The following ADCY1 variants were observed in gnomAD, a reference collection of about 807,000 sequenced individuals.
ADCY1 encodes adenylate cyclase type 1.
Under a neutral mutation model 105.4 loss-of-function variants are expected in ADCY1, and 28 were observed. The observed-to-expected ratio is 0.27, with a 90% confidence interval of 0.20 to 0.36. ADCY1 has a LOEUF of 0.36. Among genes scored for constraint, ADCY1 ranks in the 10% least tolerant of loss-of-function variants. The pLI, the probability that ADCY1 is intolerant of heterozygous loss-of-function variation, is 1.00. For synonymous variants in ADCY1, 655 were observed against 623.8 expected, an observed-to-expected ratio of 1.05 and a Z score of -0.75; for missense variants, 977 against 1,434.2, an observed-to-expected ratio of 0.68 and a Z score of 5.15.
chr7:45,602,712 T>C (rs1793272745), intron 2 of ADCY1, among the ~76,000 whole-genome samples: 1 of 152,256 alleles, frequency 6.6e-6, no homozygotes, highest in Admixed American at 6.5e-5. Context: ...ATTGAGTTTA[T>C]GTACCATAAA....
intron 5 of ADCY1, among the ~76,000 whole-genome samples, chr7:45,653,194 C>T (rs1197520386): frequency 2.6e-5 from 4 of 152,134 alleles, no homozygotes; most frequent in African/African-American, 9.7e-5. Context: ...TGGTCTTGCT[C>T]CTGAAGAGCT....
chr7:45,663,010 A>G (rs1002980936), intron 8 of ADCY1, among the ~76,000 whole-genome samples: 4 of 152,228 alleles, frequency 2.6e-5, no homozygotes, highest in African/African-American at 9.6e-5. Flanking sequence ...TGCAGGAGCC[A>G]TCAAAGGGTG....
intron 1 of ADCY1, among the ~76,000 whole-genome samples, chr7:45,580,350 A>G (rs1792496691): frequency 6.6e-6 from 1 of 152,138 alleles, no homozygotes; most frequent in Non-Finnish European, 1.5e-5. Context: ...CATGGACCGG[A>G]GAAGAGCTGG....
intron 14 of ADCY1, among the ~76,000 whole-genome samples, chr7:45,695,223 A>G (rs772727998): frequency 6.6e-6 from 1 of 152,050 alleles, no homozygotes; most frequent in Non-Finnish European, 1.5e-5. Context: ...TGTTTTATAT[A>G]TTTTGTGTGG....
chr7:45,596,613 G>A (rs550840778), intron 2 of ADCY1, among the ~76,000 whole-genome samples: 3 of 152,222 alleles, frequency 2.0e-5, no homozygotes, highest in African/African-American at 4.8e-5. Flanking sequence ...GGTAGGAGGC[G>A]GTGGAATGCC....
At position 45,686,738 on chromosome 7, in the gene ADCY1, G is replaced by A. The variant is rs1043983540; in HGVS notation, c.2454+65G>A. 1.3e-6 allele frequency: 2 copies of A among 1,537,060 alleles called. No individual in the cohort carries two copies. The highest frequency in any genetic ancestry group is 2.3e-5 in the East Asian group (1 of 43,796). On this transcript the variant is annotated intron_variant, in intron 14 of 19. Transcript: ENST00000297323. The surrounding 1 kb of genome is among the most constrained non-coding windows in gnomAD (Gnocchi z 4.3). Reference sequence around the variant, plus strand: ...TAGAGGAGGAAGAAGTCTTCAGCAAGCATCTGACGGGGGCTGCCACAGACA... The same window carrying A: ...TAGAGGAGGAAGAAGTCTTCAGCAAACATCTGACGGGGGCTGCCACAGACA...
Position 45,713,740 on chromosome 7 carries a change from T to C in ADCY1, c.3105T>C (p.Phe1035=). The change falls in exon 20 of 20, where the codon TTT becomes TTC. Residue 1035 remains phenylalanine (F), a synonymous_variant. Coordinates refer to ENST00000297323, the MANE Select transcript of ADCY1 (RefSeq NM_021116.4). ...TGCTGAGAAGGTGCCCCTACCACTT[T>C]GTGTGCCGAGGCAAAGTCAGTGTCA... The part of the protein sequence containing the change: ...HRLLRRCPYH[F]VCRGKVSVKG... The C allele has an allele frequency of 2.6e-6, 2 of 780,798 alleles. No homozygotes were observed. Among genetic ancestry groups the C allele is most frequent in the Non-Finnish European group, 2.4e-6 (1 of 418,144 alleles). The allele number at this position is 780,798 out of a possible 1,614,324, so 48.4% of individuals were successfully genotyped here.
intron 4 of ADCY1, among the ~76,000 whole-genome samples, chr7:45,626,891 G>A (rs192754510): frequency 6.6e-6 from 1 of 152,286 alleles, no homozygotes; most frequent in African/African-American, 2.4e-5. Flanking sequence ...CAGAGGGCTG[G>A]GCAGTGTGTG....
intron 3 of ADCY1, among the ~76,000 whole-genome samples, chr7:45,611,308 T>C (rs1793586175): frequency 6.6e-6 from 1 of 151,934 alleles, no homozygotes; most frequent in African/African-American, 2.4e-5. Context: ...TGTAGGGGGC[T>C]CTTGGCTTCT....
At chr7:45,659,667 G>A (rs571127758) in intron 6 of ADCY1, among the ~76,000 whole-genome samples, 2 of 152,294 alleles carry the variant, frequency 1.3e-5, no homozygotes, top group Non-Finnish European at 2.9e-5. Context: ...ACCATGGCTG[G>A]GGAGGGACTC....
intron 8 of ADCY1, 59 bp from the exon 9 acceptor site, chr7:45,677,810 G>A: frequency 3.9e-6 from 6 of 1,557,054 alleles, no homozygotes; most frequent in Non-Finnish European, 5.2e-6. Context: ...GAGTACAGGT[G>A]CTTTTCTTCA....
intron 14 of ADCY1, among the ~76,000 whole-genome samples, chr7:45,694,969 T>C (rs1464573119): frequency 6.6e-6 from 1 of 152,242 alleles, no homozygotes; most frequent in East Asian, 1.9e-4. Context: ...AACTAGAGAC[T>C]TGAAGAGACC....
Position 45,592,829 on chromosome 7 carries a change from G to T in ADCY1, c.710G>T (p.Arg237Leu). The T allele has an allele frequency of 1.2e-6, 2 of 1,614,220 alleles. No individual in the cohort carries two copies. Among genetic ancestry groups the T allele is most frequent in the African/African-American group, 1.3e-5 (1 of 75,054 alleles). Residue 237 changes from arginine (R) to leucine (L), a missense_variant, in exon 2 of 20, where the codon CGT becomes CTT. Arg to Leu is a moderately radical substitution (Grantham distance 102). Coordinates refer to ENST00000297323, the MANE Select transcript of ADCY1 (RefSeq NM_021116.4). ...GTCTTTGTGCGGATTCTGACTGAGC[G>T]TTCACAGAGGAAGGCGTTCCTGCAG... ...YGVFVRILTE[R>L]SQRKAFLQAR...
chr7:45,645,116 C>T (rs957732171), intron 4 of ADCY1, among the ~76,000 whole-genome samples: 4 of 152,100 alleles, frequency 2.6e-5, no homozygotes, highest in African/African-American at 7.2e-5. Context: ...TTAGAATACA[C>T]AAGCCCTCAT....
In ADCY1 at chr7:45,608,551, C is replaced by T. The variant is rs115666730; in HGVS notation, c.790-1828C>T. On this transcript the variant is annotated intron_variant, in intron 2 of 19. Coordinates refer to ENST00000297323, the MANE Select transcript of ADCY1 (RefSeq NM_021116.4). ...CTGGTTCTTGCAGCACCCTGTGCCA[C>T]GGCTGAGTTGTCCACGTGAGCTCCA... is the stretch of plus-strand genomic sequence containing the variant. Among the ~76,000 whole-genome samples, 410 of 152,342 alleles carry T rather than the reference C, an allele frequency of 2.7e-3. 1 individual carries two copies. Among genetic ancestry groups the T allele is most frequent in the Middle Eastern group, 0.017 (5 of 294 alleles).
intron 8 of ADCY1, among the ~76,000 whole-genome samples, chr7:45,668,751 G>A (rs144451719): frequency 0.011 from 1,743 of 152,232 alleles, 16 homozygotes; most frequent in Middle Eastern, 0.024. Context: ...TTGTGAATCC[G>A]TCTAGTCCTG....
chr7:45,670,352 G>A (rs891920929), intron 8 of ADCY1, among the ~76,000 whole-genome samples: 12 of 152,210 alleles, frequency 7.9e-5, no homozygotes, highest in Non-Finnish European at 1.5e-4. Context: ...TGACTGTGGA[G>A]GACAGTCAGT....
At chr7:45,622,412 TC>T (rs977867000) in intron 3 of ADCY1, among the ~76,000 whole-genome samples, 21 of 152,160 alleles carry the variant, frequency 1.4e-4, no homozygotes, top group African/African-American at 5.1e-4. Context: ...CAGCATTTAC[TC>T]CCCCAGTGGC....
chr7:45,593,182 A>C (rs1792976196), intron 2 of ADCY1, among the ~76,000 whole-genome samples: 1 of 152,180 alleles, frequency 6.6e-6, no homozygotes, highest in African/African-American at 2.4e-5. Context: ...TGCAGCTGGA[A>C]TAGGTCAGCT....
Sources: gnomAD v4.1 joint callset for allele counts (sites outside exome capture counted in the v4.1 genomes callset) on GRCh38, gnomAD v4.1.1 for gene constraint, Gnocchi (gnomAD v3.1) non-coding constraint, MANE v1.5 for transcripts, NCBI Gene and HGNC (gene_info 2026-07-23, HGNC 2026-07-21) for gene names.